SLA: variants seen among roughly 807,000 people sequenced by gnomAD.
SLA encodes the protein Src like adaptor.
A neutral mutation model predicts 30.3 loss-of-function variants in SLA; 16 were observed. The observed-to-expected ratio is 0.53, with a 90% confidence interval of 0.36 to 0.80. SLA has a LOEUF of 0.80. Among genes scored for constraint, SLA ranks in the 30% least tolerant of loss-of-function variants. SLA has a pLI of 0.01. For synonymous variants in SLA, 143 were observed against 137.8 expected (o/e 1.04, Z -0.26); for missense variants, 310 against 345.2 (o/e 0.90, Z 0.81).
At chr8:133,099,149 C>A (rs368283960) in intron 1 of SLA, among the ~76,000 whole-genome samples, 13 of 152,334 alleles carry the variant, frequency 8.5e-5, no homozygotes, top group East Asian at 3.9e-4. Context: ...GTTGGGCACC[C>A]CCAAATAGAG....
intron 6 of SLA, among the ~76,000 whole-genome samples, chr8:133,046,885 G>C (rs377512897): frequency 6.6e-6 from 1 of 152,178 alleles, no homozygotes; most frequent in Non-Finnish European, 1.5e-5. Flanking sequence ...CTAGCACCAG[G>C]TGGCTTTGGC....
chr8:133,085,813 C>G (rs1185828886), intron 1 of SLA, among the ~76,000 whole-genome samples: 1 of 152,194 alleles, frequency 6.6e-6, no homozygotes, highest in African/African-American at 2.4e-5. Flanking sequence ...AGTTTGGCAA[C>G]TTCTCAGAAG....
Position 133,040,149 on chromosome 8 carries a change from A to G in SLA, c.485-19T>C. ...GCCACCTCTGAGGAGGGAAGCAGAC[A>G]GCCGGTCAGGGACCCTGGGGACGCC... is the stretch of plus-strand genomic sequence containing the variant. On this transcript the variant is annotated intron_variant, in intron 7 of 8. Transcript: ENST00000338087. The G allele has an allele frequency of 6.3e-7, 1 of 1,575,492 alleles. No homozygotes were observed.
At chr8:133,063,968 T>A (rs778560589) in intron 2 of SLA, 1 of 152,330 alleles carries the variant, frequency 6.6e-6, no homozygotes, top group Middle Eastern at 3.4e-3. Context: ...ACCGGAGACA[T>A]AATTGCTTCT....
intron 1 of SLA, among the ~76,000 whole-genome samples, chr8:133,077,735 A>ATGTGTGTGTGTGTGTGTGTG (rs34749093): frequency 6.8e-6 from 1 of 148,062 alleles, no homozygotes; most frequent in African/African-American, 2.5e-5. Flanking sequence ...TCTGGTGTGT[A>ATGTGTGTGTGTGTGTGTGTG]TGTGTGTGTG....
chr8:133,075,166 A>G (rs1844667871), intron 1 of SLA, 36 bp from the exon 2 acceptor site: 1 of 977,206 alleles, frequency 1.0e-6, no homozygotes, highest in Non-Finnish European at 1.2e-6. Flanking sequence ...TTTTTTACAA[A>G]GCATTTGAGA....
intron 7 of SLA, among the ~76,000 whole-genome samples, chr8:133,044,023 G>A (rs1438010317): frequency 1.3e-5 from 2 of 152,164 alleles, no homozygotes; most frequent in Admixed American, 6.5e-5. Flanking sequence ...CTAACTCTGT[G>A]GATCCTCACG....
chr8:133,051,009 A>C, intron 3 of SLA, 94 bp from the exon 4 acceptor site: 1 of 705,588 alleles, frequency 1.4e-6, no homozygotes, highest in Admixed American at 2.4e-5. Context: ...TGAAGATGAG[A>C]TTTTCCAGCA....
At chr8:133,078,908 A>G (rs1160908826) in intron 1 of SLA, among the ~76,000 whole-genome samples, 2 of 152,176 alleles carry the variant, frequency 1.3e-5, no homozygotes, top group Non-Finnish European at 2.9e-5. Flanking sequence ...GGAGACAGAC[A>G]CACATATCAA....
At chr8:133,075,634 A>G (rs756681227) in intron 1 of SLA, among the ~76,000 whole-genome samples, 6 of 152,206 alleles carry the variant, frequency 3.9e-5, no homozygotes, top group Non-Finnish European at 8.8e-5. Context: ...CATGACGGCT[A>G]TATCTTTCAA....
intron 3 of SLA, among the ~76,000 whole-genome samples, chr8:133,053,504 C>T (rs1840804804): frequency 6.6e-6 from 1 of 152,140 alleles, no homozygotes; most frequent in Non-Finnish European, 1.5e-5. Flanking sequence ...TTGTGGGAGG[C>T]AGCTGGGTAG....
chr8:133,091,667 C>T (rs1171474031), intron 1 of SLA, among the ~76,000 whole-genome samples: 2 of 151,198 alleles, frequency 1.3e-5, no homozygotes, highest in African/African-American at 4.9e-5. Flanking sequence ...TATGACTGTG[C>T]GTGTGTGTCT....
chr8:133,043,540 C>T (rs749962550), intron 7 of SLA, among the ~76,000 whole-genome samples: 13 of 152,296 alleles, frequency 8.5e-5, no homozygotes, highest in East Asian at 3.9e-4. Flanking sequence ...ACTACATGAA[C>T]GATTGTGTTT....
At chr8:133,085,269 G>T (rs140574160) in intron 1 of SLA, among the ~76,000 whole-genome samples, 1 of 152,120 alleles carries the variant, frequency 6.6e-6, no homozygotes, top group Admixed American at 6.5e-5. Context: ...AGAATGCAAG[G>T]CAGAACTCGT....
chr8:133,064,930 G>A (rs978346133), intron 2 of SLA, among the ~76,000 whole-genome samples: 4 of 152,164 alleles, frequency 2.6e-5, no homozygotes, highest in Non-Finnish European at 5.9e-5. Flanking sequence ...AATTGAGGAA[G>A]TCCAACCAAG....
chr8:133,061,952 G>A (rs981566653), intron 2 of SLA, among the ~76,000 whole-genome samples: 2 of 152,144 alleles, frequency 1.3e-5, no homozygotes, highest in African/African-American at 2.4e-5. Flanking sequence ...TTAAAAGTCC[G>A]TATATCTTAG....
intron 1 of SLA, among the ~76,000 whole-genome samples, chr8:133,079,076 T>C (rs1845346588): frequency 6.6e-6 from 1 of 152,200 alleles, no homozygotes; most frequent in Non-Finnish European, 1.5e-5. Context: ...TCTAGGTCCA[T>C]GTACTGAGTC....
intron 2 of SLA, among the ~76,000 whole-genome samples, chr8:133,060,514 A>G (rs1842218597): frequency 6.6e-6 from 1 of 152,148 alleles, no homozygotes; most frequent in African/African-American, 2.4e-5. Flanking sequence ...GTGAGAAACC[A>G]AGCAGCATTT....
intron 2 of SLA, among the ~76,000 whole-genome samples, chr8:133,072,465 G>T (rs1472633871): frequency 6.6e-6 from 1 of 152,178 alleles, no homozygotes; most frequent in Non-Finnish European, 1.5e-5. Flanking sequence ...TAGATAGATG[G>T]ATAGATAGAT....
Sources: allele counts gnomAD v4.1 joint callset (sites outside exome capture counted in the v4.1 genomes callset), GRCh38; gene constraint gnomAD v4.1.1; transcripts MANE v1.5; gene names NCBI Gene and HGNC (gene_info 2026-07-23, HGNC 2026-07-21).